Variants in FANCA observed in about 807,000 individuals in gnomAD.
FANCA encodes the protein Fanconi anemia group A protein.
A neutral mutation model predicts 194.3 loss-of-function variants in FANCA; 236 were observed. The observed-to-expected ratio is 1.21, with a 90% CI of 1.09 to 1.35. FANCA has a LOEUF of 1.35. FANCA is among the 40% of genes most tolerant of loss of function. The probability of loss-of-function intolerance (pLI) is 0.00; values close to 1 mark genes in which losing one functional copy is unlikely to be tolerated. For synonymous variants in FANCA, 1,014 were observed against 715.8 expected (o/e 1.42, Z -6.65); for missense variants, 2,628 against 1,813.9 (o/e 1.45, Z -8.15).
chr16:89,786,373 G>C (rs2039898870), intron 14 of FANCA, among the ~76,000 whole-genome samples: 2 of 152,284 alleles, frequency 1.3e-5, no homozygotes, highest in Middle Eastern at 3.4e-3. Context: ...AGTAGAGACA[G>C]GGTTTCATCG....
At chr16:89,804,993 G>A (rs781210432) in intron 7 of FANCA, among the ~76,000 whole-genome samples, 3 of 152,128 alleles carry the variant, frequency 2.0e-5, no homozygotes, top group East Asian at 1.9e-4. Context: ...CTGAGATCGC[G>A]CCACTGTACT....
rs776536953 is a variant in FANCA at position 89,737,868 on chromosome 16, G to A, written c.*733C>T. On this transcript the variant is annotated 3_prime_UTR_variant, in exon 43 of 43. Coordinates refer to ENST00000389301, the MANE Select transcript of FANCA (RefSeq NM_000135.4). ...CTTCAAGCAGCGGAAGCACCTTCTCGTCCACCAAATGCGACATTCGGGAGC... is the reference window on the plus strand; with the variant it reads ...CTTCAAGCAGCGGAAGCACCTTCTCATCCACCAAATGCGACATTCGGGAGC... The A allele has an allele frequency of 1.2e-5, 20 of 1,614,034 alleles. No individual in the cohort carries two copies. Among genetic ancestry groups the A allele is most frequent in the African/African-American group, 2.7e-5 (2 of 74,906 alleles).
chr16:89,815,791 T>TA, intron 2 of FANCA, 86 bp downstream of exon 2: 1 of 1,094,010 alleles, frequency 9.1e-7, no homozygotes, highest in East Asian at 2.4e-5. Context: ...CCGCCTCGGG[T>TA]GTTTTCTTAG....
At chr16:89,790,802 G>C (rs1045402562) in intron 14 of FANCA, among the ~76,000 whole-genome samples, 1 of 150,934 alleles carries the variant, frequency 6.6e-6, no homozygotes, top group African/African-American at 2.4e-5. Context: ...ATCCACTTCT[G>C]TGTCCCCTCT....
At chr16:89,744,512 G>A (rs1413924239) in intron 36 of FANCA, among the ~76,000 whole-genome samples, 1 of 152,050 alleles carries the variant, frequency 6.6e-6, no homozygotes, top group African/African-American at 2.4e-5. Context: ...AGGTCCCCAT[G>A]ACACTGACCC....
intron 7 of FANCA, among the ~76,000 whole-genome samples, chr16:89,803,783 G>T (rs555835685): frequency 6.6e-5 from 10 of 152,102 alleles, no homozygotes; most frequent in African/African-American, 2.4e-4. Flanking sequence ...ACCACACCCA[G>T]CTAATTTTTG....
At chr16:89,792,629 T>C in intron 11 of FANCA, 82 bp from the exon 12 acceptor site, 10 of 1,167,312 alleles carry the variant, frequency 8.6e-6, no homozygotes, top group Non-Finnish European at 1.3e-5. Context: ...CCCCACAGGG[T>C]CGGTGGGTCT....
intron 31 of FANCA, among the ~76,000 whole-genome samples, chr16:89,750,405 C>T (rs1476116943): frequency 4.0e-5 from 6 of 151,738 alleles, no homozygotes; most frequent in African/African-American, 1.5e-4. Context: ...ATGGCGTGAA[C>T]CCGGGAGGTG....
intron 8 of FANCA, among the ~76,000 whole-genome samples, chr16:89,799,866 G>A (rs2040384377): frequency 2.0e-5 from 3 of 152,154 alleles, no homozygotes. Context: ...AGTGGCGGAC[G>A]CCCTGTAGTC....
At chr16:89,812,262 C>T (rs538046003) in intron 3 of FANCA, among the ~76,000 whole-genome samples, 30 of 148,236 alleles carry the variant, frequency 2.0e-4, no homozygotes, top group South Asian at 1.1e-3. Context: ...GGCGTGAACC[C>T]AGGAGGCGGA....
intron 31 of FANCA, among the ~76,000 whole-genome samples, chr16:89,750,591 C>T (rs2038554284): frequency 6.6e-6 from 1 of 151,876 alleles, no homozygotes; most frequent in South Asian, 2.1e-4. Context: ...GAGTCCAAGA[C>T]CAGCCTGGCC....
At position 89,814,622 on chromosome 16, in the gene FANCA, C is replaced by G; in HGVS notation, c.190-9G>C. ...CACAGTGGACCTTCTACCTAGAATC[C>G]AAAACACAACAAACTCCATTTAAAA... On this transcript the variant is annotated splice_polypyrimidine_tract_variant and intron_variant, in intron 2 of 42. Transcript: ENST00000389301. 6.3e-7 allele frequency: 1 copy of G among 1,595,440 alleles called. No individual in the cohort carries two copies. Among genetic ancestry groups the G allele is most frequent in the Non-Finnish European group, 8.6e-7 (1 of 1,163,226 alleles).
rs780301799 is a variant in FANCA, at chr16:89,739,086, C to CA, written c.4167+46_4167+47insT. ...AACATTCTTTGGCAGAAGGAGCCTCCGGCTGGGGGGAGCTCCCCTGGAGGT... is the reference window on the plus strand; with the variant it reads ...AACATTCTTTGGCAGAAGGAGCCTCCAGGCTGGGGGGAGCTCCCCTGGAGGT... On this transcript the variant is annotated intron_variant, in intron 41 of 42. Transcript: ENST00000389301. 8 of 1,613,766 alleles carry CA rather than the reference C, an allele frequency of 5.0e-6. No homozygotes were observed. In the African/African-American group the frequency reaches 9.3e-5, roughly 19 times the overall value.
Position 89,738,245 on chromosome 16 carries a change from G to A in FANCA, c.*356C>T. On this transcript the variant is annotated 3_prime_UTR_variant, in exon 43 of 43. Coordinates refer to ENST00000389301, the MANE Select transcript of FANCA (RefSeq NM_000135.4). ...CAGGCGGTGAAGCCCGAACCCACCTGAGGACGGCAGTGAGGATGAGCACCT... is the reference window on the plus strand; with the variant it reads ...CAGGCGGTGAAGCCCGAACCCACCTAAGGACGGCAGTGAGGATGAGCACCT... 4 of 1,597,416 alleles carry A rather than the reference G, an allele frequency of 2.5e-6. No individual in the cohort carries two copies. The highest frequency in any genetic ancestry group is 3.4e-6 in the Non-Finnish European group (4 of 1,172,748).
At chr16:89,744,651 C>G (rs1263019284) in intron 36 of FANCA, 1 of 403,534 alleles carries the variant, frequency 2.5e-6, no homozygotes, top group East Asian at 5.4e-5. Context: ...TCAGACGAGA[C>G]ACTGGCAGAG....
intron 3 of FANCA, among the ~76,000 whole-genome samples, chr16:89,813,138 G>C (rs2040966125): frequency 6.6e-6 from 1 of 151,900 alleles, no homozygotes; most frequent in Non-Finnish European, 1.5e-5. Context: ...AGACAGATGG[G>C]GCACAGTGGC....
At chr16:89,793,846 G>A (rs1598155775) in intron 11 of FANCA, among the ~76,000 whole-genome samples, 1 of 152,178 alleles carries the variant, frequency 6.6e-6, no homozygotes, top group South Asian at 2.1e-4. Context: ...TGCCTCTCGG[G>A]TTCAAGCGAT....
At chr16:89,773,851 T>G (rs967735317) in intron 21 of FANCA, among the ~76,000 whole-genome samples, 2 of 151,380 alleles carry the variant, frequency 1.3e-5, no homozygotes, top group Non-Finnish European at 2.9e-5. Context: ...CGGCTCACTG[T>G]AACCTCCGCC....
chr16:89,812,211 A>C (rs1477685663), intron 3 of FANCA, among the ~76,000 whole-genome samples: 1 of 151,418 alleles, frequency 6.6e-6, no homozygotes, highest in Non-Finnish European at 1.5e-5. Flanking sequence ...TGGTGACGGG[A>C]GCCTGTAGTC....
Sources: gnomAD v4.1 joint callset for allele counts (sites outside exome capture counted in the v4.1 genomes callset) on GRCh38, gnomAD v4.1.1 for gene constraint, MANE v1.5 for transcripts, NCBI Gene and HGNC (gene_info 2026-07-23, HGNC 2026-07-21) for gene names.